Variants in ROBO2 observed in about 807,000 individuals in gnomAD.
ROBO2 encodes roundabout guidance receptor 2.
In ROBO2, 53 loss-of-function variants were observed where a neutral mutation model predicts 160.8. The ratio of observed to expected loss-of-function variants is 0.33; its 90% confidence interval spans 0.26 to 0.41. The LOEUF (loss-of-function observed/expected upper bound fraction) is 0.41, where lower values mean the gene tolerates loss of function less well. Ranked by LOEUF, ROBO2 falls within the 10% of genes least tolerant of loss-of-function variation. The pLI, the probability that ROBO2 is intolerant of heterozygous loss-of-function variation, is 1.00. For missense variants in ROBO2, 1,577 were observed against 1,722.4 expected (o/e 0.92, Z 1.49); for synonymous variants, 664 against 611.7 (o/e 1.09, Z -1.26).
In ROBO2 at chr3:77,420,782, G is replaced by T. The variant is rs34315968; in HGVS notation, c.389-56632G>T. Among the ~76,000 whole-genome samples the T allele has an allele frequency of 3.8e-3, 586 of 152,258 alleles. 3 individuals carry two copies. Among genetic ancestry groups the T allele is most frequent in the Middle Eastern group, 0.02 (6 of 294 alleles). On this transcript the variant is annotated intron_variant, in intron 2 of 25. Transcript: ENST00000461745. ...CCTTTTTAAAATGAAGAATGGAAGTGATTTGAAGAGACAAATTTGGAAAAT... is the reference window on the plus strand; with the variant it reads ...CCTTTTTAAAATGAAGAATGGAAGTTATTTGAAGAGACAAATTTGGAAAAT...
intron 2 of ROBO2, among the ~76,000 whole-genome samples, chr3:75,965,628 A>G (rs528353917): frequency 4.1e-4 from 3 of 7,368 alleles, no homozygotes; most frequent in East Asian, 0.028. Flanking sequence ...TATTTTGTAT[A>G]TATTTGGTAT....
At chr3:76,663,311 T>C (rs2091900526) in intron 2 of ROBO2, among the ~76,000 whole-genome samples, 1 of 152,146 alleles carries the variant, frequency 6.6e-6, no homozygotes, top group African/African-American at 2.4e-5. Flanking sequence ...CAGGCTAAGT[T>C]TGTGGAGCCT....
chr3:76,205,022 G>A (rs540648003), intron 2 of ROBO2, among the ~76,000 whole-genome samples: 2 of 152,112 alleles, frequency 1.3e-5, no homozygotes, highest in South Asian at 2.1e-4. Flanking sequence ...TCACTGAGAC[G>A]AAGTTACCCT....
At chr3:76,271,491 A>G (rs1024204090) in intron 2 of ROBO2, among the ~76,000 whole-genome samples, 2 of 150,252 alleles carry the variant, frequency 1.3e-5, no homozygotes, top group African/African-American at 4.9e-5. Flanking sequence ...AGATTCACAT[A>G]TGTTTAATAT....
chr3:76,963,074 GA>G (rs1209739842), intron 2 of ROBO2, among the ~76,000 whole-genome samples: 2 of 151,410 alleles, frequency 1.3e-5, no homozygotes, highest in East Asian at 1.9e-4. Flanking sequence ...GGAACAAATG[GA>G]AAAAAAGGAA....
intron 2 of ROBO2, among the ~76,000 whole-genome samples, chr3:77,284,064 C>T (rs1184095883): frequency 6.6e-6 from 1 of 152,092 alleles, no homozygotes; most frequent in Non-Finnish European, 1.5e-5. Context: ...GGTCAGAAAA[C>T]AACAACAGCT....
chr3:76,645,756 T>C (rs935588119), intron 2 of ROBO2, among the ~76,000 whole-genome samples: 2 of 152,098 alleles, frequency 1.3e-5, no homozygotes, highest in Non-Finnish European at 2.9e-5. Context: ...TTTGACTTTA[T>C]AGATAAGGAA....
chr3:77,433,957 C>T (rs1029562271), intron 2 of ROBO2, among the ~76,000 whole-genome samples: 1 of 152,102 alleles, frequency 6.6e-6, no homozygotes, highest in East Asian at 1.9e-4. Context: ...ACTGCCATCA[C>T]TCTCGTCAAA....
At chr3:76,964,799 A>C (rs1026730017) in intron 2 of ROBO2, among the ~76,000 whole-genome samples, 2 of 152,200 alleles carry the variant, frequency 1.3e-5, no homozygotes, top group South Asian at 2.1e-4. Context: ...TCTAGGCAGA[A>C]CTGCACTGGT....
At chr3:77,338,226 T>C (rs1321344287) in intron 2 of ROBO2, among the ~76,000 whole-genome samples, 2 of 152,206 alleles carry the variant, frequency 1.3e-5, no homozygotes, top group East Asian at 3.8e-4. Flanking sequence ...GATAGTATTT[T>C]ACTTCAGCAT....
intron 1 of ROBO2, among the ~76,000 whole-genome samples, chr3:75,936,953 T>C (rs1197274980): frequency 6.6e-6 from 1 of 152,064 alleles, no homozygotes; most frequent in African/African-American, 2.4e-5. Context: ...ATAAGATTAG[T>C]TTTTGCACAT....
intron 2 of ROBO2, among the ~76,000 whole-genome samples, chr3:76,400,362 G>A (rs1409461848): frequency 1.3e-5 from 2 of 151,518 alleles, no homozygotes; most frequent in East Asian, 3.9e-4. Flanking sequence ...CACCCAAAAG[G>A]GGATAGCAAC....
rs1368038031 is a variant in ROBO2, at chr3:76,943,585, CTA to C, written c.110-154425_110-154424del. Among the ~76,000 whole-genome samples the C allele has an allele frequency of 3.7e-4, 57 of 152,212 alleles. 1 individual carries two copies. The highest frequency in any genetic ancestry group is 1.8e-4 in the Non-Finnish European group (12 of 68,010). On this transcript the variant is annotated intron_variant, in intron 2 of 26. Coordinates refer to the ROBO2 transcript ENST00000487694. The stretch of plus-strand genomic sequence containing the variant: ...TAATTACCAAACTAGAAAATAGTGA[CTA>C]TATTTTATAAGTGGATTTTGCACAA...
In ROBO2 at chr3:77,171,129, CT is replaced by C. The variant is rs150481289; in HGVS notation, c.388+72793del. On this transcript the variant is annotated intron_variant, in intron 2 of 25. Coordinates refer to ENST00000461745, the Ensembl canonical transcript of ROBO2. ...TTGGTGGGATGTCAAGGCTGTCACCCTTTTCTCCTCGTCACTGACAGACAGC... is the reference window on the plus strand; with the variant it reads ...TTGGTGGGATGTCAAGGCTGTCACCCTTTCTCCTCGTCACTGACAGACAGC... 2.2e-3 allele frequency among the ~76,000 whole-genome samples: 338 copies of C among 152,228 alleles called. 2 individuals are homozygous for C. Among genetic ancestry groups the C allele is most frequent in the African/African-American group, 7.7e-3 (320 of 41,522 alleles).
rs116428801 is a variant in ROBO2, at chr3:77,524,754, C to G, written c.934+1852C>G. ...TGCGGGGATGTTTGAAGCTAACTTA[C>G]AAAACTAATAGAGAGCATTGTTTGT... is the stretch of plus-strand genomic sequence containing the variant. On this transcript the variant is annotated intron_variant, in intron 6 of 25. Coordinates refer to ENST00000461745, the Ensembl canonical transcript of ROBO2. Among the ~76,000 whole-genome samples, 369 of 151,212 alleles carry G rather than the reference C, an allele frequency of 2.4e-3. 2 individuals are homozygous for G. The highest frequency in any genetic ancestry group is 4.2e-3 in the Non-Finnish European group (281 of 67,474).
intron 2 of ROBO2, among the ~76,000 whole-genome samples, chr3:76,284,495 T>C (rs1708411928): frequency 6.6e-6 from 1 of 152,142 alleles, no homozygotes; most frequent in Non-Finnish European, 1.5e-5. Context: ...ATAGATACAA[T>C]CCATTCATTT....
intron 21 of ROBO2, among the ~76,000 whole-genome samples, chr3:77,616,148 G>T (rs1321870369): frequency 5.3e-5 from 8 of 152,134 alleles, no homozygotes; most frequent in Admixed American, 5.2e-4. Flanking sequence ...ATTCCATTTG[G>T]AGTGGGGAAG....
intron 2 of ROBO2, among the ~76,000 whole-genome samples, chr3:76,649,102 C>T (rs1405624192): frequency 2.0e-5 from 3 of 151,948 alleles, no homozygotes; most frequent in Non-Finnish European, 4.4e-5. Context: ...GATTAGTATT[C>T]TCAGAGGTGG....
In ROBO2 at chr3:77,295,828, A is replaced by G. The variant is rs533418423; in HGVS notation, c.389-181586A>G. ...GGCTAGAGCACTAAAGACATAAAGT[A>G]AAATTGACGGGTAAACGGGTAAGCT... On this transcript the variant is annotated intron_variant, in intron 2 of 25. Coordinates refer to ENST00000461745, the Ensembl canonical transcript of ROBO2. Among the ~76,000 whole-genome samples, 360 of 149,912 alleles carry G rather than the reference A, an allele frequency of 2.4e-3. 3 individuals carry two copies. Among genetic ancestry groups the G allele is most frequent in the Non-Finnish European group, 2.0e-3 (133 of 67,388 alleles).
Sources: gnomAD v4.1 joint callset for allele counts (sites outside exome capture counted in the v4.1 genomes callset) on GRCh38, gnomAD v4.1.1 for gene constraint, MANE v1.5 for transcripts, NCBI Gene and HGNC (gene_info 2026-07-23, HGNC 2026-07-21) for gene names.